The following SGTB variants were observed in gnomAD, a reference collection of about 807,000 sequenced individuals.
SGTB encodes the protein small glutamine-rich tetratricopeptide repeat-containing protein beta.
SGTB carries 19 observed loss-of-function variants against 43.9 expected under a neutral mutation model. That is an observed-to-expected ratio of 0.43 (90% CI 0.30 to 0.63). SGTB has a LOEUF of 0.63. SGTB is among the 30% of genes least tolerant of loss of function. The pLI is 0.12. For missense variants in SGTB, 304 were observed against 358.9 expected, an observed-to-expected ratio of 0.85 and a Z score of 1.24; for synonymous variants, 116 against 117.3, an observed-to-expected ratio of 0.99 and a Z score of 0.07.
At chr5:65,692,403 T>TA (rs1370249460) in intron 5 of SGTB, among the ~76,000 whole-genome samples, 10 of 152,258 alleles carry the variant, frequency 6.6e-5, no homozygotes, top group Middle Eastern at 3.4e-3. Flanking sequence ...ATATCAAACT[T>TA]AGAGTCACCA....
At chr5:65,710,137 C>G (rs1758017130) in intron 3 of SGTB, among the ~76,000 whole-genome samples, 1 of 152,032 alleles carries the variant, frequency 6.6e-6, no homozygotes, top group African/African-American at 2.4e-5. Flanking sequence ...TGAGAACCTT[C>G]CTAAGTAGAG....
At chr5:65,686,323 A>C (rs1167363944) in intron 5 of SGTB, among the ~76,000 whole-genome samples, 1 of 152,140 alleles carries the variant, frequency 6.6e-6, no homozygotes, top group African/African-American at 2.4e-5. Flanking sequence ...CTTTGCATTA[A>C]TAAAGGTAAA....
At chr5:65,672,087 A>G in intron 9 of SGTB, 89 bp from the exon 10 acceptor site, 1 of 1,571,232 alleles carries the variant, frequency 6.4e-7, no homozygotes, top group Non-Finnish European at 8.7e-7. Context: ...TAAAATACCC[A>G]TGTTATACCA....
intron 5 of SGTB, among the ~76,000 whole-genome samples, chr5:65,701,776 G>T (rs1001477595): frequency 2.6e-5 from 4 of 151,884 alleles, no homozygotes; most frequent in Non-Finnish European, 5.9e-5. Context: ...GGGACTACAG[G>T]CGCCTGCCAC....
intron 4 of SGTB, 86 bp from the exon 5 acceptor site, chr5:65,704,464 T>G: frequency 1.0e-6 from 1 of 993,840 alleles, no homozygotes; most frequent in Non-Finnish European, 1.4e-6. Flanking sequence ...TCGTGGAAAC[T>G]ATAATTATAT....
intron 4 of SGTB, among the ~76,000 whole-genome samples, chr5:65,705,466 A>G (rs920669162): frequency 3.3e-5 from 5 of 152,126 alleles, no homozygotes; most frequent in African/African-American, 1.2e-4. Flanking sequence ...AAAAAAAGAA[A>G]AAGAAAAAGA....
intron 5 of SGTB, among the ~76,000 whole-genome samples, chr5:65,688,021 G>A (rs1415083390): frequency 1.3e-5 from 2 of 151,962 alleles, no homozygotes; most frequent in Non-Finnish European, 2.9e-5. Context: ...CGCCCACCTC[G>A]GCCTCCCCAA....
In SGTB at chr5:65,670,112, G is replaced by T; in HGVS notation, c.*134C>A. 1 of 663,966 alleles carries T rather than the reference G, an allele frequency of 1.5e-6. No homozygotes were observed. Among genetic ancestry groups the T allele is most frequent in the Non-Finnish European group, 2.5e-6 (1 of 393,702 alleles). The allele number at this position is 663,966 out of a possible 1,614,324, so 41.1% of individuals were successfully genotyped here. A position where few individuals can be genotyped will look rare whatever the true frequency, so the allele number is the denominator to read the frequency against. The stretch of plus-strand genomic sequence containing the variant: ...TTATTCTTTAAGAATATACACAAGA[G>T]GTTTTCCTCCATTATTTTCACACAT... On this transcript the variant is annotated 3_prime_UTR_variant, in exon 11 of 11. Transcript: ENST00000381007.
rs116341870 is a variant in SGTB at position 65,672,647 on chromosome 5, G to A, written c.682-366C>T. On this transcript the variant is annotated intron_variant, in intron 8 of 10. Transcript: ENST00000381007. ...CATTCCAAACGAGCTTTTAAGAGAT[G>A]TGACTTTGCTCCATGGGGCCCAGCA... 2.2e-3 allele frequency among the ~76,000 whole-genome samples: 330 copies of A among 152,288 alleles called. 3 individuals carry two copies. The highest frequency in any genetic ancestry group is 7.8e-3 in the African/African-American group (325 of 41,548).
chr5:65,703,246 G>T (rs1447975449), intron 5 of SGTB, among the ~76,000 whole-genome samples: 2 of 152,238 alleles, frequency 1.3e-5, no homozygotes, highest in African/African-American at 4.8e-5. Flanking sequence ...AATAACCCTT[G>T]CTGAGTACTT....
chr5:65,672,482 A>G (rs570271133), intron 8 of SGTB, among the ~76,000 whole-genome samples: 1 of 152,330 alleles, frequency 6.6e-6, no homozygotes, highest in African/African-American at 2.4e-5. Flanking sequence ...CATGGTGAGG[A>G]TAAAGAGATT....
At chr5:65,704,216 C>T in intron 5 of SGTB, 63 bp downstream of exon 5, 4 of 1,156,096 alleles carry the variant, frequency 3.5e-6, no homozygotes, top group Non-Finnish European at 4.8e-6. Context: ...TTTGCATTTT[C>T]CTTCAGAGCT....
chr5:65,714,477 G>T (rs1459340351), intron 2 of SGTB, among the ~76,000 whole-genome samples: 1 of 152,166 alleles, frequency 6.6e-6, no homozygotes, highest in Non-Finnish European at 1.5e-5. Context: ...TATGGCTAGG[G>T]TATACAGTGG....
At chr5:65,722,482 A>C, upstream of SGTB, 1 of 1,403,008 alleles carries the variant, frequency 7.1e-7, no homozygotes, top group Non-Finnish European at 9.8e-7. Flanking sequence ...TGGTGCCTGG[A>C]GCCCGGACCC....
chr5:65,672,093 T>C (rs934493754), intron 9 of SGTB, 95 bp from the exon 10 acceptor site: 15 of 1,569,712 alleles, frequency 9.6e-6, no homozygotes, highest in Admixed American at 5.1e-5. Flanking sequence ...ACCCATGTTA[T>C]ACCAGAGGCT....
intron 4 of SGTB, among the ~76,000 whole-genome samples, chr5:65,706,325 T>C (rs971489390): frequency 9.2e-5 from 14 of 152,224 alleles, no homozygotes; most frequent in Admixed American, 8.5e-4. Flanking sequence ...TTTAATTTTC[T>C]GGGTTATTGA....
chr5:65,701,219 T>C (rs1426252059), intron 5 of SGTB, among the ~76,000 whole-genome samples: 3 of 151,922 alleles, frequency 2.0e-5, no homozygotes, highest in South Asian at 2.1e-4. Flanking sequence ...CTAAATATGA[T>C]AATAATGAGT....
intron 4 of SGTB, among the ~76,000 whole-genome samples, chr5:65,705,887 A>AAT (rs1234094675): frequency 6.2e-4 from 93 of 151,070 alleles, no homozygotes; most frequent in African/African-American, 2.2e-3. Context: ...AAACACAAAA[A>AAT]TTAGCTGGGG....
chr5:65,704,211 AT>A (rs1443775278), intron 5 of SGTB, 67 bp downstream of exon 5: 6 of 1,132,196 alleles, frequency 5.3e-6, no homozygotes, highest in Middle Eastern at 2.2e-4. Context: ...TAAGATTTGC[AT>A]TTTCCTTCAG....
Sources: allele counts gnomAD v4.1 joint callset (sites outside exome capture counted in the v4.1 genomes callset), GRCh38; gene constraint gnomAD v4.1.1; transcripts MANE v1.5; gene names NCBI Gene and HGNC (gene_info 2026-07-23, HGNC 2026-07-21).